UNC5D: variants seen among roughly 807,000 people sequenced by gnomAD.
UNC5D encodes the protein netrin receptor UNC5D.
A neutral mutation model predicts 105.4 loss-of-function variants in UNC5D; 39 were observed. The observed-to-expected ratio is 0.37, with a 90% CI of 0.29 to 0.48. The LOEUF is 0.48. Ranked by LOEUF, UNC5D falls within the 20% of genes least tolerant of loss-of-function variation. UNC5D has a pLI of 0.98. For synonymous variants in UNC5D, 452 were observed against 450.4 expected, an observed-to-expected ratio of 1.00 and a Z score of -0.04; for missense variants, 991 against 1,202.4, an observed-to-expected ratio of 0.82 and a Z score of 2.60.
intron 4 of UNC5D, among the ~76,000 whole-genome samples, chr8:35,634,770 C>A (rs1044177296): frequency 8.1e-6 from 1 of 122,724 alleles, no homozygotes; most frequent in African/African-American, 3.0e-5. Context: ...TTTTTTTTTT[C>A]TTTCCTTTTT....
At position 35,750,708 on chromosome 8, in the gene UNC5D, G is replaced by A. The variant is rs1451011155; in HGVS notation, c.2062G>A (p.Val688Met). The A allele has an allele frequency of 6.8e-6, 11 of 1,614,150 alleles. No homozygotes were observed. The highest frequency in any genetic ancestry group is 3.3e-5 in the South Asian group (3 of 91,082). Residue 688 changes from valine (V) to methionine (M), a missense_variant, in exon 13 of 17, where the codon GTG (valine) becomes ATG (methionine). Transcript: ENST00000404895. ...TGGAGAGCCAATCACAGACTGTGCC[G>A]TGAAGCAACTGAAGGTGGCGGTTTT... is the stretch of plus-strand genomic sequence containing the variant. Reference protein sequence around the residue: ...LTGEPITDCAVKQLKVAVFGC... With the variant: ...LTGEPITDCAMKQLKVAVFGC...
At chr8:35,433,288 A>G (rs564679006) in intron 1 of UNC5D, among the ~76,000 whole-genome samples, 1 of 152,308 alleles carries the variant, frequency 6.6e-6, no homozygotes, top group Admixed American at 6.5e-5. Context: ...CTCTTCTTTC[A>G]TCTCAAAATG....
intron 13 of UNC5D, among the ~76,000 whole-genome samples, chr8:35,753,370 G>T (rs1428084552): frequency 2.0e-5 from 3 of 151,950 alleles, no homozygotes; most frequent in Admixed American, 2.0e-4. Context: ...CCGGGTTCAC[G>T]CCATTTTCCT....
At chr8:35,518,789 T>C (rs942972840) in intron 1 of UNC5D, among the ~76,000 whole-genome samples, 1 of 152,152 alleles carries the variant, frequency 6.6e-6, no homozygotes, top group Non-Finnish European at 1.5e-5. Flanking sequence ...GTCAAAGGAA[T>C]TGGGTATCAC....
At chr8:35,485,316 T>G (rs1241312859) in intron 1 of UNC5D, among the ~76,000 whole-genome samples, 2 of 152,236 alleles carry the variant, frequency 1.3e-5, no homozygotes, top group Non-Finnish European at 2.9e-5. Flanking sequence ...TCTAGAATAC[T>G]GTCAGTATAA....
chr8:35,275,604 G>A (rs2037840), intron 1 of UNC5D, among the ~76,000 whole-genome samples: 15,961 of 152,142 alleles, frequency 0.1, 1,183 homozygotes, highest in East Asian at 0.35. Context: ...GTGGAAGCCC[G>A]GTTGTATTTT....
intron 2 of UNC5D, among the ~76,000 whole-genome samples, chr8:35,557,185 A>C (rs1816614575): frequency 6.6e-6 from 1 of 152,208 alleles, no homozygotes. Context: ...ATTGTCAGAC[A>C]ACACTATGAA....
chr8:35,462,112 T>C (rs1001139891), intron 1 of UNC5D, among the ~76,000 whole-genome samples: 3 of 152,170 alleles, frequency 2.0e-5, no homozygotes, highest in African/African-American at 4.8e-5. Flanking sequence ...ATTCAATTTA[T>C]TAAAATTACA....
intron 1 of UNC5D, among the ~76,000 whole-genome samples, chr8:35,431,315 T>G (rs1370158816): frequency 6.6e-6 from 1 of 152,196 alleles, no homozygotes; most frequent in African/African-American, 2.4e-5. Context: ...CATCACCACC[T>G]GCACTGGTCA....
At chr8:35,536,347 G>A (rs1814836179) in intron 1 of UNC5D, among the ~76,000 whole-genome samples, 2 of 152,116 alleles carry the variant, frequency 1.3e-5, no homozygotes, top group South Asian at 4.1e-4. Context: ...AATAACAAAG[G>A]AATTAAAGGA....
chr8:35,406,743 A>C (rs1452709714), intron 1 of UNC5D, among the ~76,000 whole-genome samples: 1 of 152,168 alleles, frequency 6.6e-6, no homozygotes, highest in Non-Finnish European at 1.5e-5. Flanking sequence ...AGGAAGCTGA[A>C]GTCTAAAGAA....
intron 1 of UNC5D, among the ~76,000 whole-genome samples, chr8:35,432,187 C>T (rs1229947504): frequency 6.6e-6 from 1 of 152,068 alleles, no homozygotes; most frequent in Non-Finnish European, 1.5e-5. Context: ...ATGCCACTTA[C>T]ATCGTAATAT....
chr8:35,700,420 A>AAAAT (rs1191098710), intron 7 of UNC5D, among the ~76,000 whole-genome samples: 1 of 152,196 alleles, frequency 6.6e-6, no homozygotes, highest in East Asian at 1.9e-4. Context: ...TTTAAAGTAT[A>AAAAT]AAATATATCA....
chr8:35,401,781 C>T (rs145438379), intron 1 of UNC5D, among the ~76,000 whole-genome samples: 275 of 152,230 alleles, frequency 1.8e-3, no homozygotes, highest in Non-Finnish European at 3.0e-3. Context: ...CTAATGTGTA[C>T]GGGTTCTCTA....
At chr8:35,643,135 G>C (rs552224744) in intron 4 of UNC5D, among the ~76,000 whole-genome samples, 263 of 152,076 alleles carry the variant, frequency 1.7e-3, no homozygotes, top group African/African-American at 5.9e-3. Flanking sequence ...TCTTTGTTGT[G>C]GGGGGGCTGT....
At chr8:35,593,759 T>A (rs1454227580) in intron 3 of UNC5D, among the ~76,000 whole-genome samples, 1 of 151,926 alleles carries the variant, frequency 6.6e-6, no homozygotes, top group Non-Finnish European at 1.5e-5. Flanking sequence ...AGGCCTTATC[T>A]CCAAAACAAA....
At chr8:35,786,704 T>C (rs1448487225) in intron 16 of UNC5D, among the ~76,000 whole-genome samples, 1 of 152,094 alleles carries the variant, frequency 6.6e-6, no homozygotes, top group Admixed American at 6.6e-5. Flanking sequence ...GAGCTAGAGA[T>C]TCAGCAACTT....
chr8:35,681,346 C>A (rs1296619308), intron 4 of UNC5D, among the ~76,000 whole-genome samples: 1 of 152,186 alleles, frequency 6.6e-6, no homozygotes, highest in Non-Finnish European at 1.5e-5. Context: ...ACTTATATTT[C>A]TATTTTACCC....
At chr8:35,691,781 A>G (rs1157512025) in intron 7 of UNC5D, among the ~76,000 whole-genome samples, 1 of 152,170 alleles carries the variant, frequency 6.6e-6, no homozygotes, top group Non-Finnish European at 1.5e-5. Context: ...TCACAGCCAG[A>G]GGGAAATAAG....
Sources: gnomAD v4.1 joint callset for allele counts (sites outside exome capture counted in the v4.1 genomes callset) on GRCh38, gnomAD v4.1.1 for gene constraint, MANE v1.5 for transcripts, NCBI Gene and HGNC (gene_info 2026-07-23, HGNC 2026-07-21) for gene names.